ELF2: variants seen among roughly 807,000 people sequenced by gnomAD.
ELF2 encodes the protein E74 like ETS transcription factor 2, also known as ETS-related transcription factor Elf-2.
Under a neutral mutation model 54.8 loss-of-function variants are expected in ELF2, and 11 were observed. The observed-to-expected ratio is 0.20, with a 90% CI of 0.13 to 0.33. The LOEUF is 0.33. Among genes scored for constraint, ELF2 ranks in the 10% least tolerant of loss-of-function variants. The pLI, the probability that ELF2 is intolerant of heterozygous loss-of-function variation, is 1.00. For missense variants in ELF2, 513 were observed against 703.0 expected, an observed-to-expected ratio of 0.73 and a Z score of 3.06; for synonymous variants, 203 against 245.1, an observed-to-expected ratio of 0.83 and a Z score of 1.61.
rs1314384508 is a variant in ELF2, at chr4:139,059,660, T to C, written c.1158-53A>G. The C allele has an allele frequency of 4.9e-5, 77 of 1,555,760 alleles. No individual in the cohort carries two copies. In the Admixed American group the frequency reaches 9.7e-4, roughly 20 times the overall value. On this transcript the variant is annotated intron_variant, in intron 9 of 9. Transcript: ENST00000686138. Reference sequence around the variant, plus strand: ...TTATATTTAATGCCAACTGAGAAAATAGGTCTCCTGAGTAAAAGATTAATA... The same window carrying C: ...TTATATTTAATGCCAACTGAGAAAACAGGTCTCCTGAGTAAAAGATTAATA...
At chr4:139,176,471 C>T (rs1742936811) in intron 1 of ELF2, among the ~76,000 whole-genome samples, 1 of 151,918 alleles carries the variant, frequency 6.6e-6, no homozygotes, top group African/African-American at 2.4e-5. Context: ...CGCCCAGCCC[C>T]GGCGCCGGCC....
chr4:139,147,703 T>C (rs1415100175), intron 1 of ELF2, among the ~76,000 whole-genome samples: 2 of 151,784 alleles, frequency 1.3e-5, no homozygotes, highest in Non-Finnish European at 2.9e-5. Context: ...CTTGAACTCC[T>C]GACCTCATGA....
At chr4:139,154,275 A>C (rs1740309985) in intron 1 of ELF2, among the ~76,000 whole-genome samples, 1 of 152,156 alleles carries the variant, frequency 6.6e-6, no homozygotes, top group African/African-American at 2.4e-5. Flanking sequence ...GCAGTTACTT[A>C]ATCTCCTTTA....
chr4:139,129,342 G>A (rs1737265943), intron 3 of ELF2, among the ~76,000 whole-genome samples: 1 of 152,050 alleles, frequency 6.6e-6, no homozygotes, highest in Non-Finnish European at 1.5e-5. Flanking sequence ...CTTTCTTTTT[G>A]CCCTATACTA....
chr4:139,127,240 A>G (rs1737012759), intron 3 of ELF2, among the ~76,000 whole-genome samples: 1 of 152,238 alleles, frequency 6.6e-6, no homozygotes, highest in Non-Finnish European at 1.5e-5. Context: ...TTAAAATAAA[A>G]GATACAGAAC....
At chr4:139,067,525 G>T in intron 7 of ELF2, 159 bp downstream of exon 7, 1 of 646,754 alleles carries the variant, frequency 1.5e-6, no homozygotes, top group Non-Finnish European at 2.6e-6. Flanking sequence ...TTTTGAAAAA[G>T]CTCCCCACGT....
chr4:139,147,690 G>A lies in ELF2; in HGVS notation c.-251-8193C>T, dbSNP rs1739377521. On this transcript the variant is annotated intron_variant, in intron 1 of 9. Transcript: ENST00000686138. ...GGGGTTTCACCATCTTGACCAGGCT[G>A]GTCTTGAACTCCTGACCTCATGAGT... Among the ~76,000 whole-genome samples the A allele has an allele frequency of 2.0e-5, 3 of 151,474 alleles. No homozygotes were observed. The South Asian group carries it at 6.2e-4, about 31-fold the overall frequency.
chr4:139,146,597 G>A (rs1578920747), intron 1 of ELF2, among the ~76,000 whole-genome samples: 1 of 152,276 alleles, frequency 6.6e-6, no homozygotes, highest in Middle Eastern at 3.4e-3. Flanking sequence ...CAACAAATCT[G>A]AAGGCATCAC....
chr4:139,128,552 A>C, intron 3 of ELF2, among the ~76,000 whole-genome samples: 1 of 147,988 alleles, frequency 6.8e-6, no homozygotes. Context: ...GACAGGGTCT[A>C]GCTCTGTCGC....
At chr4:139,072,118 G>A in intron 5 of ELF2, 79 bp from the exon 6 acceptor site, 1 of 1,389,442 alleles carries the variant, frequency 7.2e-7, no homozygotes, top group East Asian at 2.4e-5. Context: ...ATTTAGAAGA[G>A]GCGAGGTGTG....
chr4:139,114,406 T>C (rs1053214577), intron 4 of ELF2, among the ~76,000 whole-genome samples: 1 of 151,970 alleles, frequency 6.6e-6, no homozygotes, highest in Non-Finnish European at 1.5e-5. Flanking sequence ...CCATCTCTAC[T>C]AAAAATACAA....
chr4:139,116,669 C>A, intron 4 of ELF2: 1 of 985,376 alleles, frequency 1.0e-6, no homozygotes, highest in Non-Finnish European at 1.2e-6. Context: ...TTCCTTCTGG[C>A]TCAATCTGTT....
At chr4:139,146,060 C>A (rs558695947) in intron 1 of ELF2, among the ~76,000 whole-genome samples, 53 of 152,214 alleles carry the variant, frequency 3.5e-4, no homozygotes, top group African/African-American at 1.3e-3. Context: ...AAAGGGCATC[C>A]AAATTGGAAA....
chr4:139,128,189 T>C (rs937399369), intron 3 of ELF2, among the ~76,000 whole-genome samples: 1 of 152,086 alleles, frequency 6.6e-6, no homozygotes, highest in African/African-American at 2.4e-5. Flanking sequence ...GCAAGAGGAT[T>C]GCTTGAACCC....
At chr4:139,170,148 T>G (rs963825480) in intron 1 of ELF2, among the ~76,000 whole-genome samples, 21 of 151,930 alleles carry the variant, frequency 1.4e-4, no homozygotes, top group African/African-American at 4.8e-4. Flanking sequence ...GATCTTGGAT[T>G]AGGCAGAGTT....
intron 1 of ELF2, among the ~76,000 whole-genome samples, chr4:139,141,603 T>C (rs1738704792): frequency 6.6e-6 from 1 of 152,186 alleles, no homozygotes; most frequent in Non-Finnish European, 1.5e-5. Flanking sequence ...AGAGACCAGG[T>C]AGACTAGTCT....
intron 1 of ELF2, among the ~76,000 whole-genome samples, chr4:139,176,639 C>G (rs1478804631): frequency 3.3e-5 from 5 of 152,130 alleles, no homozygotes; most frequent in Non-Finnish European, 5.9e-5. Flanking sequence ...CAGCTGCGCT[C>G]GGCCCATCCC....
At chr4:139,134,963 G>C (rs1437432949) in intron 3 of ELF2, among the ~76,000 whole-genome samples, 1 of 151,442 alleles carries the variant, frequency 6.6e-6, no homozygotes, top group Non-Finnish European at 1.5e-5. Context: ...AATAATTTTT[G>C]CAACTATACT....
At position 139,139,461 on chromosome 4, in the gene ELF2, G is replaced by C; in HGVS notation, c.-215C>G. ...GCATCCTTCACTATTTTCACAACTT[G>C]GGAAGAGCTAAAATCTGAACCAGTA... On this transcript the variant is annotated 5_prime_UTR_variant, in exon 2 of 10. Coordinates refer to ENST00000686138, the MANE Select transcript of ELF2 (RefSeq NM_001331036.3). 1 of 1,229,846 alleles carries C rather than the reference G, an allele frequency of 8.1e-7. No individual in the cohort carries two copies. 76.2% of individuals were successfully genotyped at this position (1,229,846 alleles called of 1,614,324 possible). A position where few individuals can be genotyped will look rare whatever the true frequency, so the allele number is the denominator to read the frequency against.
Sources: allele counts gnomAD v4.1 joint callset (sites outside exome capture counted in the v4.1 genomes callset), GRCh38; gene constraint gnomAD v4.1.1; transcripts MANE v1.5; gene names NCBI Gene and HGNC (gene_info 2026-07-23, HGNC 2026-07-21).